DHTKD1: variants seen among roughly 807,000 people sequenced by gnomAD.
DHTKD1 encodes dehydrogenase E1 and transketolase domain containing 1.
DHTKD1 carries 78 observed loss-of-function variants against 101.8 expected under a neutral mutation model. The ratio of observed to expected loss-of-function variants is 0.77; its 90% CI spans 0.64 to 0.93. The LOEUF (loss-of-function observed/expected upper bound fraction) is 0.93, where lower values mean the gene tolerates loss of function less well. Ranked by LOEUF, DHTKD1 falls within the 40% of genes least tolerant of loss-of-function variation. The probability of loss-of-function intolerance (pLI) is 0.00; values close to 1 mark genes in which losing one functional copy is unlikely to be tolerated. For synonymous variants in DHTKD1, 462 were observed against 450.3 expected (o/e 1.03, Z -0.33); for missense variants, 1,223 against 1,161.7 (o/e 1.05, Z -0.77).
At chr10:12,075,656 C>T (rs547951880) in intron 1 of DHTKD1, among the ~76,000 whole-genome samples, 11 of 152,300 alleles carry the variant, frequency 7.2e-5, no homozygotes, top group Admixed American at 5.9e-4. Context: ...AGGTGTGAGC[C>T]ACAATGGCCA....
chr10:12,080,877 G>A (rs985771838), intron 1 of DHTKD1, among the ~76,000 whole-genome samples: 2 of 151,748 alleles, frequency 1.3e-5, no homozygotes, highest in African/African-American at 4.8e-5. Flanking sequence ...GACCAACCTG[G>A]GCAACATGGT....
At chr10:12,088,948 G>T in intron 4 of DHTKD1, 38 bp from the exon 5 acceptor site, 1 of 1,581,418 alleles carries the variant, frequency 6.3e-7, no homozygotes, top group South Asian at 1.1e-5. Context: ...CCATTGTGAT[G>T]AATGCCATTT....
Position 12,087,412 on chromosome 10 carries a change from G to T in DHTKD1, c.523-123G>T. On this transcript the variant is annotated intron_variant, in intron 3 of 16. Coordinates refer to ENST00000263035, the MANE Select transcript of DHTKD1 (RefSeq NM_018706.7). The surrounding 1 kb of genome is among the most constrained non-coding windows in gnomAD (Gnocchi z 5.2). ...GTCTCTCTCCGGGATATGTAGTAAA[G>T]TGGCATTGCTGTGGCCACTTGGGGA... 1 of 715,540 alleles carries T rather than the reference G, an allele frequency of 1.4e-6. No individual in the cohort carries two copies. 44.3% of individuals were successfully genotyped at this position (715,540 alleles called of 1,614,324 possible). A position where few individuals can be genotyped will look rare whatever the true frequency, so the allele number is the denominator to read the frequency against.
chr10:12,081,168 G>A (rs570295141), intron 1 of DHTKD1, among the ~76,000 whole-genome samples: 23 of 151,722 alleles, frequency 1.5e-4, no homozygotes, highest in South Asian at 8.3e-4. Flanking sequence ...AGGCTACTTG[G>A]GAGGCTGAGG....
intron 13 of DHTKD1, among the ~76,000 whole-genome samples, chr10:12,117,422 G>A (rs527588510): frequency 3.3e-5 from 5 of 150,710 alleles, no homozygotes; most frequent in South Asian, 2.1e-4. Context: ...GGCCTCCAGC[G>A]ATCCTCCTGC....
rs1588622482 is a variant in DHTKD1, at chr10:12,121,883, T to G, written c.*995T>G. 4 of 152,318 alleles carry G rather than the reference T, an allele frequency of 2.6e-5. No individual in the cohort carries two copies. In the East Asian group the frequency reaches 7.7e-4, roughly 29 times the overall value. 9.4% of individuals were successfully genotyped at this position (152,318 alleles called of 1,614,324 possible). ...TGACCATATATGACCAGGAAACACTTCTGAGTTTACAGCTCCGTGGAGATG... is the reference window on the plus strand; with the variant it reads ...TGACCATATATGACCAGGAAACACTGCTGAGTTTACAGCTCCGTGGAGATG... On this transcript the variant is annotated 3_prime_UTR_variant, in exon 17 of 17. Coordinates refer to ENST00000263035, the MANE Select transcript of DHTKD1 (RefSeq NM_018706.7).
In DHTKD1 at chr10:12,103,978, C is replaced by T. The variant is rs1414516333; in HGVS notation, c.1897-2268C>T. On this transcript the variant is annotated intron_variant, in intron 10 of 16. Coordinates refer to ENST00000263035, the MANE Select transcript of DHTKD1 (RefSeq NM_018706.7). The surrounding 1 kb of genome is among the most constrained non-coding windows in gnomAD (Gnocchi z 4.8). The stretch of plus-strand genomic sequence containing the variant: ...CATTTTCATTACCCTAGAAAGCAAG[C>T]CCATGCCCGTTAGCAGTCACTGCCC... Among the ~76,000 whole-genome samples, 1 of 152,158 alleles carries T rather than the reference C, an allele frequency of 6.6e-6. No homozygotes were observed. Among genetic ancestry groups the T allele is most frequent in the Non-Finnish European group, 1.5e-5 (1 of 68,044 alleles).
chr10:12,075,756 G>T (rs1722449), intron 1 of DHTKD1, among the ~76,000 whole-genome samples: 1 of 151,666 alleles, frequency 6.6e-6, no homozygotes, highest in Non-Finnish European at 1.5e-5. Flanking sequence ...TATCCTTCCA[G>T]GGAAAAAGAA....
intron 1 of DHTKD1, among the ~76,000 whole-genome samples, chr10:12,080,221 A>G (rs1325140349): frequency 6.6e-6 from 1 of 151,122 alleles, no homozygotes; most frequent in East Asian, 2.0e-4. Flanking sequence ...AATGGCATGA[A>G]CCCGGGAGGT....
rs1554793010 is a variant in DHTKD1, at chr10:12,100,287, G to GTTTTTTTTTTTTGTTTTT, written c.1756+37_1756+38insGTTTTTTTTTTTTTTTTT. 5 of 272,260 alleles carry GTTTTTTTTTTTTGTTTTT rather than the reference G, an allele frequency of 1.8e-5. No homozygotes were observed. In the East Asian group the frequency reaches 2.4e-4, roughly 13 times the overall value. 16.9% of individuals were successfully genotyped at this position (272,260 alleles called of 1,614,324 possible). On this transcript the variant is annotated intron_variant, in intron 9 of 16. Transcript: ENST00000263035. The stretch of plus-strand genomic sequence containing the variant: ...GGTAAGAATTTTCTTTTTTTTTTCT[G>GTTTTTTTTTTTTGTTTTT]TTTTTTTTTTTTTTGAGTCTCACCC...
At chr10:12,113,950 ATGGTCT>A (rs1335422194) in intron 13 of DHTKD1, among the ~76,000 whole-genome samples, 7 of 152,140 alleles carry the variant, frequency 4.6e-5, no homozygotes, top group African/African-American at 1.7e-4. Context: ...TAAAGCCCAT[ATGGTCT>A]AAGCACTATT....
intron 2 of DHTKD1, among the ~76,000 whole-genome samples, chr10:12,083,609 G>A (rs572886458): frequency 6.6e-6 from 1 of 151,930 alleles, no homozygotes; most frequent in South Asian, 2.1e-4. Context: ...TGGTGTGCAC[G>A]TGTAGTCCCA....
At chr10:12,075,788 T>G (rs922256878) in intron 1 of DHTKD1, among the ~76,000 whole-genome samples, 1 of 152,220 alleles carries the variant, frequency 6.6e-6, no homozygotes, top group Non-Finnish European at 1.5e-5. Flanking sequence ...AATTTCATTC[T>G]TTATTATAAA....
intron 13 of DHTKD1, among the ~76,000 whole-genome samples, chr10:12,117,304 CTTTTTTT>C (rs71382683): frequency 4.2e-5 from 3 of 71,552 alleles, no homozygotes; most frequent in African/African-American, 1.0e-4. Context: ...GCCACGGCAC[CTTTTTTT>C]TTTTTTTTTT....
At position 12,095,044 on chromosome 10, in the gene DHTKD1, C is replaced by A. The variant is rs183218734; in HGVS notation, c.1358+773C>A. Among the ~76,000 whole-genome samples the A allele has an allele frequency of 2.8e-3, 425 of 152,304 alleles. 5 individuals are homozygous for A. The highest frequency in any genetic ancestry group is 1.5e-3 in the Non-Finnish European group (105 of 68,028). Reference sequence around the variant, plus strand: ...GAAGCAGGGGGAATTAAGCAAACCTCGCCCAAATCTATTTACTGCAGTGTC... The same window carrying A: ...GAAGCAGGGGGAATTAAGCAAACCTAGCCCAAATCTATTTACTGCAGTGTC... On this transcript the variant is annotated intron_variant, in intron 7 of 16. Transcript: ENST00000263035.
intron 6 of DHTKD1, among the ~76,000 whole-genome samples, 166 bp downstream of exon 6, chr10:12,091,850 C>A (rs915301759): frequency 9.9e-5 from 15 of 151,890 alleles, no homozygotes; most frequent in Non-Finnish European, 1.6e-4. Context: ...TGTCACCCAG[C>A]CTGTAGTGCA....
chr10:12,121,010 A>G lies in DHTKD1; in HGVS notation c.*122A>G, dbSNP rs1833519072. 1 of 773,482 alleles carries G rather than the reference A, an allele frequency of 1.3e-6. No homozygotes were observed. Among genetic ancestry groups the G allele is most frequent in the Non-Finnish European group, 2.1e-6 (1 of 480,110 alleles). 47.9% of individuals were successfully genotyped at this position (773,482 alleles called of 1,614,324 possible). On this transcript the variant is annotated 3_prime_UTR_variant, in exon 17 of 17. Coordinates refer to ENST00000263035, the MANE Select transcript of DHTKD1 (RefSeq NM_018706.7). Reference sequence around the variant, plus strand: ...CAAGGCTGGTGGATCACCTGAGGTCAGGAGTTCGAGACCAGCCTGGCCAAC... The same window carrying G: ...CAAGGCTGGTGGATCACCTGAGGTCGGGAGTTCGAGACCAGCCTGGCCAAC...
intron 10 of DHTKD1, among the ~76,000 whole-genome samples, chr10:12,104,206 T>G (rs1185695677): frequency 6.6e-6 from 1 of 152,152 alleles, no homozygotes; most frequent in Admixed American, 6.6e-5. Flanking sequence ...TGAGACCAAG[T>G]CTTGCTCTGT....
chr10:12,114,507 G>A (rs1459186547), intron 13 of DHTKD1, among the ~76,000 whole-genome samples: 1 of 152,078 alleles, frequency 6.6e-6, no homozygotes, highest in African/African-American at 2.4e-5. Flanking sequence ...GTGTTGGACA[G>A]GTGGTCTGGA....
Sources: allele counts gnomAD v4.1 joint callset (sites outside exome capture counted in the v4.1 genomes callset), GRCh38; gene constraint gnomAD v4.1.1; non-coding constraint Gnocchi (gnomAD v3.1); transcripts MANE v1.5; gene names NCBI Gene and HGNC (gene_info 2026-07-23, HGNC 2026-07-21).